SLC8A1: variants seen among roughly 807,000 people sequenced by gnomAD.
SLC8A1 encodes the protein sodium/calcium exchanger 1.
Under a neutral mutation model 68.3 loss-of-function variants are expected in SLC8A1, and 18 were observed. The ratio of observed to expected loss-of-function variants is 0.26; its 90% CI spans 0.18 to 0.39. SLC8A1 has a LOEUF of 0.39. Ranked by LOEUF, SLC8A1 falls within the 10% of genes least tolerant of loss-of-function variation. The pLI, the probability that SLC8A1 is intolerant of heterozygous loss-of-function variation, is 1.00. For missense variants in SLC8A1, 985 were observed against 1,156.7 expected (o/e 0.85, Z 2.15); for synonymous variants, 475 against 415.5 (o/e 1.14, Z -1.74).
chr2:40,399,735 A>G (rs1559525908), intron 2 of SLC8A1, among the ~76,000 whole-genome samples: 1 of 152,164 alleles, frequency 6.6e-6, no homozygotes, highest in Non-Finnish European at 1.5e-5. Flanking sequence ...AATAAGTGAA[A>G]CCATCTTAAG....
Position 40,321,466 on chromosome 2 carries a change from C to T in SLC8A1, c.1808+107007G>A, listed in dbSNP as rs78698959. Among the ~76,000 whole-genome samples the T allele has an allele frequency of 1.6e-3, 241 of 152,182 alleles. 1 individual carries two copies. Among genetic ancestry groups the T allele is most frequent in the African/African-American group, 5.5e-3 (230 of 41,542 alleles). On this transcript the variant is annotated intron_variant, in intron 2 of 7. Transcript: ENST00000406785. ...AACGCATGGGGTCTGTGGGTCCTTA[C>T]TATCTGTATTAGTCTGTTCTCATGC...
intron 1 of SLC8A1, among the ~76,000 whole-genome samples, chr2:40,439,230 A>G (rs1700042053): frequency 6.6e-6 from 1 of 152,152 alleles, no homozygotes; most frequent in Non-Finnish European, 1.5e-5. Context: ...GTCTTCTCTA[A>G]GAAGAAACAA....
intron 1 of SLC8A1, among the ~76,000 whole-genome samples, chr2:40,449,193 C>A (rs946741752): frequency 1.4e-5 from 2 of 147,500 alleles, no homozygotes; most frequent in African/African-American, 5.0e-5. Context: ...AAAAAAAACA[C>A]ACAGACATTA....
Position 40,269,130 on chromosome 2 carries a change from C to A in SLC8A1, c.1809-91275G>T, listed in dbSNP as rs72939213. ...GTGAGTGTTCATAAGGCTTCCAGAACTCAACTCTATTATAGACTAAGAACT... is the reference window on the plus strand; with the variant it reads ...GTGAGTGTTCATAAGGCTTCCAGAAATCAACTCTATTATAGACTAAGAACT... On this transcript the variant is annotated intron_variant, in intron 2 of 7. Transcript: ENST00000406785. Among the ~76,000 whole-genome samples, 1,173 of 152,308 alleles carry A rather than the reference C, an allele frequency of 7.7e-3. 18 individuals carry two copies. The highest frequency in any genetic ancestry group is 0.027 in the African/African-American group (1,132 of 41,568).
chr2:40,137,914 T>C (rs186741857), intron 7 of SLC8A1, among the ~76,000 whole-genome samples: 2 of 152,258 alleles, frequency 1.3e-5, no homozygotes, highest in East Asian at 3.9e-4. Context: ...CATAACACCA[T>C]GCCTTATGGC....
At chr2:40,383,895 G>A (rs575000054) in intron 2 of SLC8A1, among the ~76,000 whole-genome samples, 1 of 152,194 alleles carries the variant, frequency 6.6e-6, no homozygotes, top group South Asian at 2.1e-4. Flanking sequence ...ATATCCAAGA[G>A]TGAACCTTCA....
chr2:40,302,074 T>TGTGTGTGTGTGTGTGTG (rs1491553759), intron 2 of SLC8A1, among the ~76,000 whole-genome samples: 33 of 148,008 alleles, frequency 2.2e-4, no homozygotes, highest in East Asian at 4.0e-4. Flanking sequence ...TGTGTGTGTG[T>TGTGTGTGTGTGTGTGTG]TTAGTAGAGA....
chr2:40,133,397 G>T (rs2373795), intron 7 of SLC8A1, among the ~76,000 whole-genome samples: 4 of 127,834 alleles, frequency 3.1e-5, no homozygotes, highest in Non-Finnish European at 5.1e-5. Flanking sequence ...AAATTGGGGG[G>T]GGGGGGGGTG....
intron 2 of SLC8A1, among the ~76,000 whole-genome samples, chr2:40,381,959 A>G (rs1182312605): frequency 6.6e-6 from 1 of 151,964 alleles, no homozygotes; most frequent in East Asian, 1.9e-4. Context: ...GTCAGTCAGG[A>G]GGATGGATTT....
chr2:40,262,165 G>T (rs1016272827), intron 2 of SLC8A1, among the ~76,000 whole-genome samples: 3 of 152,082 alleles, frequency 2.0e-5, no homozygotes, highest in African/African-American at 7.2e-5. Context: ...GTTTCACCAT[G>T]TTGGCCAGGA....
intron 4 of SLC8A1, among the ~76,000 whole-genome samples, chr2:40,174,092 G>C (rs1308033265): frequency 6.6e-6 from 1 of 152,066 alleles, no homozygotes; most frequent in East Asian, 1.9e-4. Flanking sequence ...TCAAGTGGCA[G>C]AAATATTACT....
chr2:40,419,716 T>A lies in SLC8A1; in HGVS notation c.1808+8757A>T, dbSNP rs764120721. Among the ~76,000 whole-genome samples the A allele has an allele frequency of 2.4e-4, 37 of 152,312 alleles. No homozygotes were observed. In the South Asian group the frequency reaches 3.7e-3, roughly 15 times the overall value. ...CCTTGTAACATTAGGATTTTTCTTT[T>A]TCTTTAATTGCGCCCTAAGAATTAA... On this transcript the variant is annotated intron_variant, in intron 2 of 7. Transcript: ENST00000406785.
intron 2 of SLC8A1, among the ~76,000 whole-genome samples, chr2:40,274,671 C>T (rs1272444255): frequency 1.3e-5 from 2 of 152,152 alleles, no homozygotes; most frequent in Non-Finnish European, 2.9e-5. Flanking sequence ...TTAGAAAATT[C>T]ATTTAACTGC....
intron 2 of SLC8A1, among the ~76,000 whole-genome samples, chr2:40,261,819 T>C (rs1305524436): frequency 6.6e-6 from 1 of 152,098 alleles, no homozygotes; most frequent in Non-Finnish European, 1.5e-5. Flanking sequence ...AAAGAGAAAA[T>C]GATGATGGGA....
At chr2:40,177,690 A>T in intron 3 of SLC8A1, 1 of 975,552 alleles carries the variant, frequency 1.0e-6, no homozygotes, top group Non-Finnish European at 1.6e-6. Context: ...GTGTGAGAGT[A>T]GGGAGACACG....
chr2:40,283,500 G>A (rs565522418), intron 2 of SLC8A1, among the ~76,000 whole-genome samples: 1 of 152,322 alleles, frequency 6.6e-6, no homozygotes, highest in Admixed American at 6.5e-5. Context: ...CTACACAAGA[G>A]TCATCAGCTG....
At chr2:40,117,551 T>TGA (rs2035751609) in intron 7 of SLC8A1, among the ~76,000 whole-genome samples, 1 of 144,314 alleles carries the variant, frequency 6.9e-6, no homozygotes, top group Non-Finnish European at 1.5e-5. Context: ...GGCAACAGAG[T>TGA]GAGACTCCAT....
chr2:40,277,608 A>G (rs1209347886), intron 2 of SLC8A1, among the ~76,000 whole-genome samples: 2 of 151,824 alleles, frequency 1.3e-5, no homozygotes, highest in African/African-American at 4.8e-5. Context: ...GGTTTTCATA[A>G]AAATTAGGTG....
intron 2 of SLC8A1, among the ~76,000 whole-genome samples, chr2:40,183,925 G>A (rs1335817728): frequency 1.3e-5 from 2 of 152,172 alleles, no homozygotes; most frequent in African/African-American, 4.8e-5. Context: ...AGAGATCGAG[G>A]TGGGAGGATA....
Sources: gnomAD v4.1 joint callset for allele counts (sites outside exome capture counted in the v4.1 genomes callset) on GRCh38, gnomAD v4.1.1 for gene constraint, MANE v1.5 for transcripts, NCBI Gene and HGNC (gene_info 2026-07-23, HGNC 2026-07-21) for gene names.